Variants in JAKMIP3 observed in about 807,000 individuals in gnomAD.
JAKMIP3 encodes janus kinase and microtubule-interacting protein 3.
A neutral mutation model predicts 118.5 loss-of-function variants in JAKMIP3; 58 were observed. The ratio of observed to expected loss-of-function variants is 0.49; its 90% CI spans 0.40 to 0.61. JAKMIP3 has a LOEUF of 0.61. Among genes scored for constraint, JAKMIP3 ranks in the 20% least tolerant of loss-of-function variants. The probability of loss-of-function intolerance (pLI) is 0.00; values close to 1 mark genes in which losing one functional copy is unlikely to be tolerated. For missense variants in JAKMIP3, 950 were observed against 1,109.0 expected (o/e 0.86, Z 2.04); for synonymous variants, 486 against 451.2 (o/e 1.08, Z -0.98).
chr10:132,138,291 C>T lies in JAKMIP3; in HGVS notation c.1344+113C>T, dbSNP rs112021434. On this transcript the variant is annotated intron_variant, in intron 9 of 23. Transcript: ENST00000684848. ...GTGCGGAGAGGGGTGCGCCGGTGTA[C>T]GTGGAGGGCGCTGGGTGTGTGTGCC... 1.7e-3 allele frequency: 1,330 copies of T among 800,406 alleles called. 17 individuals are homozygous for T. The African/African-American group carries it at 0.024, about 15-fold the overall frequency. The allele number at this position is 800,406 out of a possible 1,614,324, so 49.6% of individuals were successfully genotyped here. A position where few individuals can be genotyped will look rare whatever the true frequency, so the allele number is the denominator to read the frequency against.
chr10:132,152,881 C>T, intron 16 of JAKMIP3, 77 bp from the exon 17 acceptor site: 1 of 1,188,604 alleles, frequency 8.4e-7, no homozygotes, highest in Non-Finnish European at 1.2e-6. Flanking sequence ...CAGTCAGCTT[C>T]CCCATGCATC....
At chr10:132,100,166 C>T (rs1436194443) in intron 1 of JAKMIP3, among the ~76,000 whole-genome samples, 1 of 152,140 alleles carries the variant, frequency 6.6e-6, no homozygotes, top group Non-Finnish European at 1.5e-5. Context: ...CCTCACAGGC[C>T]CCCACACGGA....
At chr10:132,147,176 AG>A (rs2054782761) in intron 13 of JAKMIP3, among the ~76,000 whole-genome samples, 1 of 152,204 alleles carries the variant, frequency 6.6e-6, no homozygotes, top group Admixed American at 6.5e-5. Flanking sequence ...TGGCCCTGCA[AG>A]GGGGTCCAGC....
chr10:132,137,239 G>C lies in JAKMIP3; in HGVS notation c.1249-15G>C. On this transcript the variant is annotated splice_polypyrimidine_tract_variant and intron_variant, in intron 7 of 23. Coordinates refer to ENST00000684848, the MANE Select transcript of JAKMIP3 (RefSeq NM_001323087.2). ...ACCCTGAGCAATTCCGTAACATGCT[G>C]TCTTCCTTTCCTAGACCCTTGAGAC... 3 of 1,613,922 alleles carry C rather than the reference G, an allele frequency of 1.9e-6. No individual in the cohort carries two copies. Among genetic ancestry groups the C allele is most frequent in the Non-Finnish European group, 2.5e-6 (3 of 1,179,876 alleles).
At chr10:132,036,692 G>A (rs1484695067) in exon 1 of JAKMIP3, among the ~76,000 whole-genome samples, 1 of 150,594 alleles carries the variant, frequency 6.6e-6, no homozygotes, top group Non-Finnish European at 1.5e-5. Flanking sequence ...TGCCATGGCC[G>A]ATCCGGTCCG....
intron 1 of JAKMIP3, among the ~76,000 whole-genome samples, chr10:132,086,875 T>A (rs563820241): frequency 6.6e-6 from 1 of 152,360 alleles, no homozygotes; most frequent in Non-Finnish European, 1.5e-5. Flanking sequence ...AGTATTGAGA[T>A]GCGAGGTGCT....
intron 1 of JAKMIP3, among the ~76,000 whole-genome samples, chr10:132,081,152 A>C (rs1162710101): frequency 6.6e-6 from 1 of 151,896 alleles, no homozygotes; most frequent in Non-Finnish European, 1.5e-5. Context: ...GTCCAACTTC[A>C]TTCTTTTGCA....
chr10:132,139,377 AGTATG>A (rs2052858844), intron 9 of JAKMIP3, among the ~76,000 whole-genome samples: 1 of 11,238 alleles, frequency 8.9e-5, no homozygotes, highest in African/African-American at 6.7e-4. Flanking sequence ...TACGTGTGTG[AGTATG>A]TGAGTGTATG....
At chr10:132,065,298 T>C (rs568859015), upstream of JAKMIP3, among the ~76,000 whole-genome samples, 5 of 152,126 alleles carry the variant, frequency 3.3e-5, no homozygotes, top group Non-Finnish European at 7.4e-5. The surrounding 1 kb of genome is among the most constrained non-coding windows in gnomAD (Gnocchi z 5.6). Flanking sequence ...AGGTGAGCTC[T>C]CGTGCTTGCC....
In JAKMIP3 at chr10:132,118,799, C is replaced by T. The variant is rs1000906476; in HGVS notation, c.633+1225C>T. On this transcript the variant is annotated intron_variant, in intron 3 of 23. Coordinates refer to ENST00000684848, the MANE Select transcript of JAKMIP3 (RefSeq NM_001323087.2). This position sits in a 1 kb window ranked among gnomAD's most constrained non-coding sequence, Gnocchi z 4.8. ...ATGTCACCTTAGCAACCCAAGGACCCGGCCCAAACCAGCACTCATAAGAAC... is the reference window on the plus strand; with the variant it reads ...ATGTCACCTTAGCAACCCAAGGACCTGGCCCAAACCAGCACTCATAAGAAC... Among the ~76,000 whole-genome samples, 8 of 152,206 alleles carry T rather than the reference C, an allele frequency of 5.3e-5. No homozygotes were observed. The highest frequency in any genetic ancestry group is 2.6e-4 in the Admixed American group (4 of 15,286).
rs376144009 is a variant in JAKMIP3, at chr10:132,117,628, CG to C, written c.633+55del. The stretch of plus-strand genomic sequence containing the variant: ...GCGAGGGTGCAGGGGCGGGCGTGGG[CG>C]AGGGTGCAGGGGCGGGCGTGGGCGA... On this transcript the variant is annotated intron_variant, in intron 3 of 23. Transcript: ENST00000684848. This position sits in a 1 kb window ranked among gnomAD's most constrained non-coding sequence, Gnocchi z 8.6. The C allele has an allele frequency of 6.7e-6, 7 of 1,042,596 alleles. No homozygotes were observed. Among genetic ancestry groups the C allele is most frequent in the East Asian group, 2.6e-5 (1 of 37,756 alleles). 64.6% of individuals were successfully genotyped at this position (1,042,596 alleles called of 1,614,324 possible).
chr10:132,094,340 G>A (rs1291695175), intron 1 of JAKMIP3, among the ~76,000 whole-genome samples: 1 of 152,068 alleles, frequency 6.6e-6, no homozygotes, highest in African/African-American at 2.4e-5. Context: ...GCCTTGTTTT[G>A]TCATATTACC....
At chr10:132,042,915 C>T (rs1001647590) in intron 1 of JAKMIP3, among the ~76,000 whole-genome samples, 2 of 118,854 alleles carry the variant, frequency 1.7e-5, no homozygotes, top group African/African-American at 6.9e-5. Flanking sequence ...CATGGCAAGA[C>T]CCCATGTCTC....
chr10:132,116,233 G>A (rs950324047), intron 2 of JAKMIP3, among the ~76,000 whole-genome samples: 21 of 152,226 alleles, frequency 1.4e-4, no homozygotes, highest in East Asian at 3.8e-4. Context: ...TACAGATTCC[G>A]GTGGGTGACC....
At chr10:132,051,560 T>G (rs2038107117) in intron 1 of JAKMIP3, among the ~76,000 whole-genome samples, 1 of 152,188 alleles carries the variant, frequency 6.6e-6, no homozygotes, top group Non-Finnish European at 1.5e-5. Flanking sequence ...CTTTTGCCTA[T>G]TTTTTTAATT....
At chr10:132,051,353 G>C (rs1297648001) in intron 1 of JAKMIP3, among the ~76,000 whole-genome samples, 1 of 148,758 alleles carries the variant, frequency 6.7e-6, no homozygotes, top group South Asian at 2.2e-4. Context: ...AATTCCAGCT[G>C]TTCTGGTTGG....
At chr10:132,132,634 CA>C (rs1417608491) in intron 3 of JAKMIP3, among the ~76,000 whole-genome samples, 1 of 152,254 alleles carries the variant, frequency 6.6e-6, no homozygotes, top group African/African-American at 2.4e-5. Context: ...CGTCTCACCC[CA>C]AAAGCCTTGG....
chr10:132,146,834 TG>T (rs1232129495), intron 13 of JAKMIP3, among the ~76,000 whole-genome samples: 1 of 152,182 alleles, frequency 6.6e-6, no homozygotes, highest in Non-Finnish European at 1.5e-5. Flanking sequence ...AAATTAGAAG[TG>T]CGTTTCCACA....
intron 19 of JAKMIP3, among the ~76,000 whole-genome samples, chr10:132,159,595 CATG>C (rs1400684569): frequency 6.9e-4 from 52 of 75,218 alleles, no homozygotes; most frequent in Non-Finnish European, 1.0e-3. Context: ...ATGCTGGGGG[CATG>C]TCTTCCTATG....
Sources: allele counts gnomAD v4.1 joint callset (sites outside exome capture counted in the v4.1 genomes callset), GRCh38; gene constraint gnomAD v4.1.1; non-coding constraint Gnocchi (gnomAD v3.1); transcripts MANE v1.5; gene names NCBI Gene and HGNC (gene_info 2026-07-23, HGNC 2026-07-21).